ITGB7: variants seen among roughly 807,000 people sequenced by gnomAD.
The protein encoded by ITGB7 is integrin beta-7.
ITGB7 carries 55 observed loss-of-function variants against 83.4 expected under a neutral mutation model. That is an observed-to-expected ratio of 0.66 (90% CI 0.53 to 0.83). The LOEUF is 0.83. ITGB7 is among the 40% of genes least tolerant of loss of function. ITGB7 has a pLI of 0.00. For synonymous variants in ITGB7, 454 were observed against 423.6 expected, an observed-to-expected ratio of 1.07 and a Z score of -0.88; for missense variants, 921 against 1,046.7, an observed-to-expected ratio of 0.88 and a Z score of 1.66.
At position 53,192,410 on chromosome 12, in the gene ITGB7, G is replaced by A; in HGVS notation, c.2075C>T (p.Thr692Ile). The stretch of plus-strand genomic sequence containing the variant: ...GAAGAAGAACAGCTGGTTGTCCAGG[G>A]TCCGCTCTTTGCACCAGCCATCATC... ...ILDDGWCKER[T>I]LDNQLFFFLV... Residue 692 changes from threonine (T) to isoleucine (I), a missense_variant, in exon 14 of 16, where the codon ACC (threonine) becomes ATC (isoleucine). Coordinates refer to ENST00000267082, the MANE Select transcript of ITGB7 (RefSeq NM_000889.3). The A allele has an allele frequency of 6.2e-7, 1 of 1,614,072 alleles. No homozygotes were observed. The highest frequency in any genetic ancestry group is 1.6e-4 in the Middle Eastern group (1 of 6,062).
intron 11 of ITGB7, 49 bp downstream of exon 11, chr12:53,193,659 T>G (rs1592398577): frequency 1.3e-6 from 2 of 1,500,004 alleles, no homozygotes; most frequent in Non-Finnish European, 9.1e-7. Flanking sequence ...GGGCCAGGGT[T>G]GGTTGGTTGT....
chr12:53,193,823 A>G lies in ITGB7; in HGVS notation c.1387T>C (p.Ser463Pro). 6.2e-7 allele frequency: 1 copy of G among 1,614,086 alleles called. No individual in the cohort carries two copies. Among genetic ancestry groups the G allele is most frequent in the African/African-American group, 1.3e-5 (1 of 74,994 alleles). The change falls in exon 11 of 16, where the codon TCA becomes CCA. Residue 463 changes from serine (S) to proline (P), a missense_variant. Physicochemically the swap from Ser to Pro is moderately conservative, Grantham distance 74 (BLOSUM62 -1). Coordinates refer to ENST00000267082, the MANE Select transcript of ITGB7 (RefSeq NM_000889.3). ...HLLRLRALGF[S>P]EELIVELHTL... Reference sequence around the variant, plus strand: ...TGCAACTCCACAATCAGCTCCTCTGAGAAGCCAAGGGCCCGGAGCCTCAGG... The same window carrying G: ...TGCAACTCCACAATCAGCTCCTCTGGGAAGCCAAGGGCCCGGAGCCTCAGG...
chr12:53,203,462 A>G (rs2120524652), intron 1 of ITGB7, among the ~76,000 whole-genome samples: 1 of 152,114 alleles, frequency 6.6e-6, no homozygotes, highest in African/African-American at 2.4e-5. Flanking sequence ...GGCCTGGGCA[A>G]CATGGTGAAA....
intron 14 of ITGB7, 131 bp downstream of exon 14, chr12:53,192,199 T>G: frequency 8.2e-7 from 1 of 1,219,150 alleles, no homozygotes; most frequent in Non-Finnish European, 1.2e-6. Flanking sequence ...CTCAATTGCC[T>G]CTGCCTTTGT....
chr12:53,203,647 CAAAAAAA>C (rs1158624130), intron 1 of ITGB7, among the ~76,000 whole-genome samples: 178 of 51,054 alleles, frequency 3.5e-3, no homozygotes, highest in Middle Eastern at 0.025. Flanking sequence ...GACCCTGTCT[CAAAAAAA>C]AAAAAAAAAA....
In ITGB7 at chr12:53,193,317, C is replaced by G. The variant is rs1942035448; in HGVS notation, c.1549G>C (p.Glu517Gln). The G allele has an allele frequency of 6.2e-7, 1 of 1,608,488 alleles. No homozygotes were observed. The highest frequency in any genetic ancestry group is 8.5e-7 in the Non-Finnish European group (1 of 1,175,876). Residue 517 changes from glutamate to glutamine, a missense_variant, in exon 12 of 16, where the codon GAG (glutamate) becomes CAG (glutamine). Transcript: ENST00000267082. ...GATTCCAGGTCTGGGGAGGACAGCT[C>G]TGCCACAGAGCACTCACAGAGCCGA... is the stretch of plus-strand genomic sequence containing the variant. ...LGRLCECSVA[E>Q]LSSPDLESGC...
intron 1 of ITGB7, among the ~76,000 whole-genome samples, chr12:53,202,651 T>G (rs150346484): frequency 1.6e-4 from 24 of 150,462 alleles, no homozygotes; most frequent in African/African-American, 5.8e-4. Flanking sequence ...TGGGATTACA[T>G]GCCCAGCTGA....
intron 7 of ITGB7, 106 bp downstream of exon 7, chr12:53,195,935 T>A: frequency 7.6e-7 from 1 of 1,316,452 alleles, no homozygotes; most frequent in East Asian, 2.3e-5. Flanking sequence ...TGGCAGGGTG[T>A]CTACAGGGTG....
At position 53,200,270 on chromosome 12, in the gene ITGB7, G is replaced by A. The variant is rs1465054060; in HGVS notation, c.174C>T (p.His58=). 1 of 1,614,080 alleles carries A rather than the reference G, an allele frequency of 6.2e-7. No individual in the cohort carries two copies. The highest frequency in any genetic ancestry group is 1.3e-5 in the African/African-American group (1 of 75,062). Residue 58 remains histidine (H), a synonymous_variant, in exon 3 of 16, where the codon CAC becomes CAT. Transcript: ENST00000267082. The part of the protein sequence containing the change: ...APSCQKCILS[H]PSCAWCKQLN... The stretch of plus-strand genomic sequence containing the variant: ...GTTGCTTGCACCATGCACAGCTGGG[G>A]TGTGAGAGGATGCACTTCTGGCAGG...
In ITGB7 at chr12:53,197,668, G is replaced by C. The variant is rs376216888; in HGVS notation, c.404-5C>G. On this transcript the variant is annotated splice_polypyrimidine_tract_variant and splice_region_variant and intron_variant, in intron 4 of 15. Coordinates refer to ENST00000267082, the MANE Select transcript of ITGB7 (RefSeq NM_000889.3). ...CCTGGAGCTGCTGGGGCTCCCCTAGGGGGTGGGCGGCGGGCGGGTCAGCAG... is the reference window on the plus strand; with the variant it reads ...CCTGGAGCTGCTGGGGCTCCCCTAGCGGGTGGGCGGCGGGCGGGTCAGCAG... 1.4e-4 allele frequency: 229 copies of C among 1,613,260 alleles called. No individual in the cohort carries two copies. The Middle Eastern group carries it at 2.0e-3, about 14-fold the overall frequency.
In ITGB7 at chr12:53,197,731, C is replaced by G. The variant is rs1942213968; in HGVS notation, c.403+19G>C. 5 of 1,586,100 alleles carry G rather than the reference C, an allele frequency of 3.2e-6. No individual in the cohort carries two copies. Among genetic ancestry groups the G allele is most frequent in the African/African-American group, 1.3e-5 (1 of 74,198 alleles). On this transcript the variant is annotated intron_variant, in intron 4 of 15. Transcript: ENST00000267082. Reference sequence around the variant, plus strand: ...CGCCAGCCTAGACCTCTGGCCTGGCCCCGCCTCCCCTAACTCACCAGGCCG... The same window carrying G: ...CGCCAGCCTAGACCTCTGGCCTGGCGCCGCCTCCCCTAACTCACCAGGCCG...
chr12:53,192,623 G>T, intron 13 of ITGB7, 68 bp downstream of exon 13: 1 of 1,595,312 alleles, frequency 6.3e-7, no homozygotes, highest in Non-Finnish European at 8.6e-7. Context: ...CGGAGAGTAG[G>T]CAGATGGGAG....
rs1243567362 is a variant in ITGB7, at chr12:53,197,732, C to T, written c.403+18G>A. On this transcript the variant is annotated intron_variant, in intron 4 of 15. Coordinates refer to ENST00000267082, the MANE Select transcript of ITGB7 (RefSeq NM_000889.3). ...GCCAGCCTAGACCTCTGGCCTGGCC[C>T]CGCCTCCCCTAACTCACCAGGCCGC... The T allele has an allele frequency of 6.3e-7, 1 of 1,586,438 alleles. No individual in the cohort carries two copies.
rs771752343 is a variant in ITGB7 at position 53,196,668 on chromosome 12, C to T, written c.727G>A (p.Glu243Lys). The T allele has an allele frequency of 2.5e-6, 4 of 1,611,570 alleles. No homozygotes were observed. The highest frequency in any genetic ancestry group is 1.3e-5 in the African/African-American group (1 of 75,004). ...LSLTGDAQAF[E>K]REVGRQSVSG... is the part of the protein sequence containing the mutation. ...ACACTCTGGCGCCCCACCTCCCGCTCGAAGGCTTGTGCGTCCCCCGTCAGG... is the reference window on the plus strand; with the variant it reads ...ACACTCTGGCGCCCCACCTCCCGCTTGAAGGCTTGTGCGTCCCCCGTCAGG... Residue 243 changes from glutamate (E) to lysine (K), a missense_variant, in exon 6 of 16, where the codon GAG becomes AAG. Physicochemically the swap from Glu to Lys is moderately conservative, Grantham distance 56 (BLOSUM62 1). Coordinates refer to ENST00000267082, the MANE Select transcript of ITGB7 (RefSeq NM_000889.3).
At chr12:53,197,288 C>T (rs1303696763) in intron 5 of ITGB7, 4 of 650,958 alleles carry the variant, frequency 6.1e-6, no homozygotes. Flanking sequence ...GCCTGTAAAA[C>T]GGATAGTCTC....
Position 53,200,232 on chromosome 12 carries a change from C to T in ITGB7, c.201+11G>A, listed in dbSNP as rs1445931571. ...ATACACATGGTTCAAAGACCATAGG[C>T]CCATCTTTACCAGTTGCTTGCACCA... On this transcript the variant is annotated intron_variant, in intron 3 of 15. Coordinates refer to ENST00000267082, the MANE Select transcript of ITGB7 (RefSeq NM_000889.3). 6 of 1,611,224 alleles carry T rather than the reference C, an allele frequency of 3.7e-6. No homozygotes were observed. In the South Asian group the frequency reaches 5.5e-5, roughly 15 times the overall value.
At chr12:53,195,526 G>A (rs1376228119) in intron 8 of ITGB7, 63 bp from the exon 9 acceptor site, 2 of 1,533,054 alleles carry the variant, frequency 1.3e-6, no homozygotes, top group Non-Finnish European at 9.0e-7. Flanking sequence ...GCTCCCGGAG[G>A]TCTGGAAGGA....
At chr12:53,199,387 C>A (rs1942266628) in intron 3 of ITGB7, among the ~76,000 whole-genome samples, 1 of 152,156 alleles carries the variant, frequency 6.6e-6, no homozygotes, top group African/African-American at 2.4e-5. Context: ...TATGCTTCCA[C>A]CCCTTCCCTT....
intron 9 of ITGB7, chr12:53,194,567 G>A (rs1592400661): frequency 2.0e-6 from 1 of 489,714 alleles, no homozygotes; most frequent in East Asian, 3.4e-5. Context: ...TTTCAGTGCA[G>A]CTGCCAGCAA....
Sources: allele counts gnomAD v4.1 joint callset (sites outside exome capture counted in the v4.1 genomes callset), GRCh38; gene constraint gnomAD v4.1.1; transcripts MANE v1.5; gene names NCBI Gene and HGNC (gene_info 2026-07-23, HGNC 2026-07-21).